SORCS1: variants seen among roughly 807,000 people sequenced by gnomAD.
The protein encoded by SORCS1 is sortilin related VPS10 domain containing receptor 1, also known as VPS10 domain-containing receptor SorCS1.
SORCS1 carries 60 observed loss-of-function variants against 146.1 expected under a neutral mutation model. The ratio of observed to expected loss-of-function variants is 0.41; its 90% CI spans 0.33 to 0.51. The LOEUF (loss-of-function observed/expected upper bound fraction) is 0.51. Among genes scored for constraint, SORCS1 ranks in the 20% least tolerant of loss-of-function variants. SORCS1 has a pLI of 0.21. For synonymous variants in SORCS1, 637 were observed against 584.0 expected (o/e 1.09, Z -1.31); for missense variants, 1,352 against 1,487.6 (o/e 0.91, Z 1.50).
At chr10:107,133,844 C>T (rs933963485) in intron 1 of SORCS1, among the ~76,000 whole-genome samples, 5 of 152,208 alleles carry the variant, frequency 3.3e-5, no homozygotes, top group African/African-American at 1.2e-4. Context: ...CCCCAGCTTT[C>T]AACTTTAGAT....
intron 1 of SORCS1, among the ~76,000 whole-genome samples, chr10:107,063,966 T>C (rs1305095840): frequency 6.6e-6 from 1 of 152,164 alleles, no homozygotes; most frequent in Non-Finnish European, 1.5e-5. Flanking sequence ...ACTTAAAATA[T>C]TCAGTAGAAT....
chr10:107,164,747 G>C (rs1450549571), upstream of SORCS1, among the ~76,000 whole-genome samples: 2 of 149,878 alleles, frequency 1.3e-5, no homozygotes, highest in Admixed American at 6.6e-5. The surrounding 1 kb of genome is among the most constrained non-coding windows in gnomAD (Gnocchi z 6.8). Context: ...CCGCCGCGCG[G>C]GGGTGGAGCT....
At chr10:106,862,964 C>A (rs1157452997) in intron 2 of SORCS1, among the ~76,000 whole-genome samples, 1 of 152,048 alleles carries the variant, frequency 6.6e-6, no homozygotes, top group Non-Finnish European at 1.5e-5. Flanking sequence ...TATGCAAAGG[C>A]ACCTTCAACT....
At chr10:106,579,142 G>A (rs1844743601) in intron 25 of SORCS1, 1 of 1,614,120 alleles carries the variant, frequency 6.2e-7, no homozygotes, top group Non-Finnish European at 8.5e-7. Context: ...GGCCTCCTTA[G>A]TTCAGTCTGA....
At chr10:107,156,843 G>A (rs1049997906) in intron 1 of SORCS1, among the ~76,000 whole-genome samples, 6 of 152,098 alleles carry the variant, frequency 3.9e-5, no homozygotes, top group Non-Finnish European at 7.4e-5. Flanking sequence ...ACCCCAAGCC[G>A]CTATTGCAAT....
intron 1 of SORCS1, among the ~76,000 whole-genome samples, chr10:106,986,028 A>G (rs972075860): frequency 6.6e-6 from 1 of 152,092 alleles, no homozygotes; most frequent in Non-Finnish European, 1.5e-5. Flanking sequence ...ATGATGTAAC[A>G]ATTAAAAGTT....
At chr10:107,061,017 A>C (rs1961165586) in intron 1 of SORCS1, among the ~76,000 whole-genome samples, 1 of 152,210 alleles carries the variant, frequency 6.6e-6, no homozygotes, top group Non-Finnish European at 1.5e-5. Context: ...TGAGTAAAAA[A>C]TAACAGTAAT....
intron 3 of SORCS1, among the ~76,000 whole-genome samples, chr10:106,798,410 G>C (rs1327319595): frequency 6.6e-6 from 1 of 151,884 alleles, no homozygotes; most frequent in Non-Finnish European, 1.5e-5. Context: ...TTTACATTAG[G>C]TATACCTCCT....
chr10:106,622,677 C>T (rs980613865), intron 19 of SORCS1, among the ~76,000 whole-genome samples: 2 of 152,234 alleles, frequency 1.3e-5, no homozygotes, highest in East Asian at 1.9e-4. Context: ...ATTTACTGAG[C>T]GATGACTACA....
chr10:107,091,185 C>T (rs535213661), intron 1 of SORCS1, among the ~76,000 whole-genome samples: 1 of 152,364 alleles, frequency 6.6e-6, no homozygotes, highest in South Asian at 2.1e-4. Flanking sequence ...TGACATGACT[C>T]TTCTACTAAT....
intron 18 of SORCS1, among the ~76,000 whole-genome samples, chr10:106,636,635 G>A (rs1179502866): frequency 1.3e-5 from 2 of 152,068 alleles, no homozygotes; most frequent in South Asian, 2.1e-4. Flanking sequence ...CAGCATGGGG[G>A]AAACCACCCC....
chr10:106,612,778 T>G (rs1180694014), intron 21 of SORCS1, among the ~76,000 whole-genome samples: 1 of 152,186 alleles, frequency 6.6e-6, no homozygotes, highest in Admixed American at 6.5e-5. Flanking sequence ...TGCCTATCTT[T>G]GCAGCCTTTG....
chr10:107,092,883 G>GAAAAAAAA (rs34184443), intron 1 of SORCS1, among the ~76,000 whole-genome samples: 1 of 61,516 alleles, frequency 1.6e-5, no homozygotes, highest in African/African-American at 6.2e-5. Context: ...AGAAGACCAT[G>GAAAAAAAA]AAAAAAAAAA....
chr10:106,662,322 C>CT lies in SORCS1; in HGVS notation c.2303+5366dup, dbSNP rs36034548. The stretch of plus-strand genomic sequence containing the variant: ...ATTTATAAAGTGAGTTATTTAAGAA[C>CT]TTTTTTTTTTTAAAGGAATGATTTC... On this transcript the variant is annotated intron_variant, in intron 17 of 25. Transcript: ENST00000263054. Among the ~76,000 whole-genome samples, 1,264 of 147,872 alleles carry CT rather than the reference C, an allele frequency of 8.5e-3. 22 individuals carry two copies. Among genetic ancestry groups the CT allele is most frequent in the African/African-American group, 0.011 (428 of 40,514 alleles).
chr10:106,793,395 A>G (rs1946407732), intron 3 of SORCS1, among the ~76,000 whole-genome samples: 2 of 152,220 alleles, frequency 1.3e-5, no homozygotes, highest in Admixed American at 1.3e-4. Context: ...TCTACAGCCA[A>G]GTTGAAAGAG....
chr10:106,925,972 G>A (rs942544010), intron 2 of SORCS1, among the ~76,000 whole-genome samples: 2 of 152,114 alleles, frequency 1.3e-5, no homozygotes, highest in Non-Finnish European at 2.9e-5. Context: ...GACTTTATCA[G>A]AAATTTGATA....
chr10:106,579,859 A>G (rs1396097617), intron 24 of SORCS1, among the ~76,000 whole-genome samples: 1 of 152,138 alleles, frequency 6.6e-6, no homozygotes, highest in Non-Finnish European at 1.5e-5. Flanking sequence ...TATGTTACGC[A>G]TTGAGAAAAG....
chr10:107,095,929 T>A (rs1015332523), intron 1 of SORCS1, among the ~76,000 whole-genome samples: 2 of 152,174 alleles, frequency 1.3e-5, no homozygotes, highest in African/African-American at 4.8e-5. Context: ...TTATTTCCAA[T>A]TGGTAAGTGG....
Position 106,688,248 on chromosome 10 carries a change from G to C in SORCS1, c.1504C>G (p.Arg502Gly). The C allele has an allele frequency of 6.2e-7, 1 of 1,614,028 alleles. No individual in the cohort carries two copies. Among genetic ancestry groups the C allele is most frequent in the Non-Finnish European group, 8.5e-7 (1 of 1,179,932 alleles). ...TCCGTGTCCGGCGCCTGCAGCAAACGCCAGTCTCTGCCTTTGTTATATGTG... is the reference window on the plus strand; with the variant it reads ...TCCGTGTCCGGCGCCTGCAGCAAACCCCAGTCTCTGCCTTTGTTATATGTG... Reference protein sequence around the residue: ...FITYNKGRDWRLLQAPDTDLR... With the variant: ...FITYNKGRDWGLLQAPDTDLR... Residue 502 changes from arginine (R) to glycine (G), a missense_variant, in exon 10 of 26, where the codon CGT becomes GGT. Arg to Gly is a moderately radical substitution (Grantham distance 125). This residue lies in a region of SORCS1 where 648 missense variants were observed against 793.8 expected (regional missense o/e 0.82). Transcript: ENST00000263054.
Sources: gnomAD v4.1 joint callset for allele counts (sites outside exome capture counted in the v4.1 genomes callset) on GRCh38, gnomAD v4.1.1 for gene constraint, gnomAD v4.1.1 regional missense constraint, Gnocchi (gnomAD v3.1) non-coding constraint, MANE v1.5 for transcripts, NCBI Gene and HGNC (gene_info 2026-07-23, HGNC 2026-07-21) for gene names.